Variants in PIGU observed in about 807,000 individuals in gnomAD.
PIGU encodes GPI-anchor transamidase component PIGU.
PIGU carries 24 observed loss-of-function variants against 49.9 expected under a neutral mutation model. The observed-to-expected ratio is 0.48, with a 90% CI of 0.35 to 0.68. PIGU has a LOEUF of 0.68. PIGU is among the 30% of genes least tolerant of loss of function. The pLI, the probability that PIGU is intolerant of heterozygous loss-of-function variation, is 0.01. For synonymous variants in PIGU, 220 were observed against 205.7 expected (o/e 1.07, Z -0.59); for missense variants, 490 against 532.6 (o/e 0.92, Z 0.79).
chr20:34,582,895 C>T (rs113501200), intron 9 of PIGU, among the ~76,000 whole-genome samples: 5 of 152,158 alleles, frequency 3.3e-5, no homozygotes, highest in East Asian at 1.9e-4. Context: ...GGTGCCCCTC[C>T]GAGAGCTGAC....
chr20:34,613,783 T>C (rs1984907048), intron 7 of PIGU, among the ~76,000 whole-genome samples: 1 of 152,218 alleles, frequency 6.6e-6, no homozygotes, highest in Admixed American at 6.6e-5. Flanking sequence ...AACTTCACTG[T>C]ATGGTGACAC....
chr20:34,650,460 AG>A (rs1230287421), intron 2 of PIGU, among the ~76,000 whole-genome samples: 1 of 151,758 alleles, frequency 6.6e-6, no homozygotes, highest in Non-Finnish European at 1.5e-5. Flanking sequence ...TGGTAGATAC[AG>A]GGTTTCACCA....
intron 2 of PIGU, among the ~76,000 whole-genome samples, chr20:34,645,648 C>T (rs933932710): frequency 1.3e-5 from 2 of 152,154 alleles, no homozygotes; most frequent in African/African-American, 2.4e-5. Flanking sequence ...GTAATCCCAG[C>T]ACTTTGGGAG....
intron 6 of PIGU, among the ~76,000 whole-genome samples, chr20:34,629,076 G>A (rs1568647759): frequency 6.6e-6 from 1 of 151,302 alleles, no homozygotes; most frequent in African/African-American, 2.4e-5. Context: ...GATTGCAGTG[G>A]CACAGTCTCA....
intron 2 of PIGU, among the ~76,000 whole-genome samples, chr20:34,652,323 A>C (rs1398766108): frequency 6.6e-6 from 1 of 152,132 alleles, no homozygotes; most frequent in Non-Finnish European, 1.5e-5. Context: ...ACAAATTTTG[A>C]CCTATGTATA....
intron 1 of PIGU, among the ~76,000 whole-genome samples, chr20:34,666,208 T>A (rs559190297): frequency 6.6e-6 from 1 of 151,960 alleles, no homozygotes; most frequent in African/African-American, 2.4e-5. Context: ...TCCAGTAATA[T>A]CATGCTGAAA....
intron 7 of PIGU, among the ~76,000 whole-genome samples, chr20:34,614,808 A>G (rs1017649757): frequency 6.6e-6 from 1 of 152,182 alleles, no homozygotes; most frequent in African/African-American, 2.4e-5. Flanking sequence ...CATATGGCCT[A>G]TTTCAATAAA....
intron 1 of PIGU, among the ~76,000 whole-genome samples, chr20:34,665,296 C>T (rs911578668): frequency 6.7e-6 from 1 of 148,900 alleles, no homozygotes; most frequent in East Asian, 2.0e-4. Context: ...CTCCGCCTCC[C>T]GGGTTCACGC....
rs536725896 is a variant in PIGU at position 34,641,254 on chromosome 20, G to A, written c.318+2910C>T. ...TTCTAATCATTGAAGCTGCATCTAC[G>A]TTCATTTGCATCCCCAAAAACTATG... On this transcript the variant is annotated intron_variant, in intron 4 of 11. Coordinates refer to ENST00000217446, the MANE Select transcript of PIGU (RefSeq NM_080476.5). 3.9e-5 allele frequency among the ~76,000 whole-genome samples: 6 copies of A among 152,202 alleles called. No individual in the cohort carries two copies. In the East Asian group the frequency reaches 7.7e-4, roughly 20 times the overall value.
intron 5 of PIGU, among the ~76,000 whole-genome samples, chr20:34,635,904 A>G (rs1402295346): frequency 1.3e-5 from 2 of 150,894 alleles, no homozygotes; most frequent in Non-Finnish European, 3.0e-5. Flanking sequence ...ATAATAAAAA[A>G]TAGGCTGGGC....
At chr20:34,561,433 C>T (rs1401537080) in intron 11 of PIGU, among the ~76,000 whole-genome samples, 1 of 152,206 alleles carries the variant, frequency 6.6e-6, no homozygotes, top group African/African-American at 2.4e-5. Context: ...ATACATCGAG[C>T]CACCATGACC....
intron 2 of PIGU, 77 bp downstream of exon 2, chr20:34,657,103 C>A (rs1986727101): frequency 8.8e-7 from 1 of 1,136,426 alleles, no homozygotes; most frequent in Non-Finnish European, 1.3e-6. Flanking sequence ...AATGTTTGTA[C>A]AAAACAGAGG....
chr20:34,622,236 CG>C (rs1985266148), intron 6 of PIGU, among the ~76,000 whole-genome samples: 1 of 151,964 alleles, frequency 6.6e-6, no homozygotes, highest in Non-Finnish European at 1.5e-5. Context: ...AGTTACAATC[CG>C]GCTGGGCGTG....
intron 1 of PIGU, among the ~76,000 whole-genome samples, chr20:34,659,153 G>C (rs1455743767): frequency 1.3e-3 from 174 of 137,272 alleles, no homozygotes; most frequent in African/African-American, 4.1e-3. Flanking sequence ...CCCCTACTGG[G>C]AAGTGAGGAG....
chr20:34,580,568 C>T (rs1983415912), intron 10 of PIGU, among the ~76,000 whole-genome samples: 2 of 152,232 alleles, frequency 1.3e-5, no homozygotes, highest in Admixed American at 1.3e-4. Flanking sequence ...CCTTGCTGGA[C>T]ACCCACAGCA....
intron 2 of PIGU, among the ~76,000 whole-genome samples, chr20:34,647,562 A>AT (rs912841747): frequency 6.6e-6 from 1 of 150,516 alleles, no homozygotes; most frequent in Non-Finnish European, 1.5e-5. Context: ...GCCCGGCCTA[A>AT]TTTTTTTTTG....
At chr20:34,613,101 C>T (rs1984881883) in intron 7 of PIGU, among the ~76,000 whole-genome samples, 1 of 152,136 alleles carries the variant, frequency 6.6e-6, no homozygotes, top group Non-Finnish European at 1.5e-5. Flanking sequence ...CCAAGCACAG[C>T]CAATTCTACC....
At chr20:34,629,017 A>G (rs1600641968) in intron 6 of PIGU, among the ~76,000 whole-genome samples, 1 of 127,160 alleles carries the variant, frequency 7.9e-6, no homozygotes, top group South Asian at 2.4e-4. Flanking sequence ...GCCATGTGTA[A>G]CTTTTTTTTT....
intron 10 of PIGU, among the ~76,000 whole-genome samples, chr20:34,577,069 G>A (rs932651710): frequency 2.6e-5 from 4 of 152,084 alleles, no homozygotes; most frequent in African/African-American, 4.8e-5. Context: ...TAACTCTCTA[G>A]GGGTTATCAC....
Sources: gnomAD v4.1 joint callset for allele counts (sites outside exome capture counted in the v4.1 genomes callset) on GRCh38, gnomAD v4.1.1 for gene constraint, MANE v1.5 for transcripts, NCBI Gene and HGNC (gene_info 2026-07-23, HGNC 2026-07-21) for gene names.